Variants in GSE1 observed in about 807,000 individuals in gnomAD.
GSE1 encodes genetic suppressor element 1.
GSE1 carries 32 observed loss-of-function variants against 112.6 expected under a neutral mutation model. That is an observed-to-expected ratio of 0.28 (90% CI 0.21 to 0.38). The LOEUF is 0.38. Among genes scored for constraint, GSE1 ranks in the 10% least tolerant of loss-of-function variants. The pLI is 1.00. For missense variants in GSE1, 2,348 were observed against 1,699.2 expected, an observed-to-expected ratio of 1.38 and a Z score of -6.71; for synonymous variants, 1,115 against 735.6, an observed-to-expected ratio of 1.52 and a Z score of -8.35.
intron 8 of GSE1, among the ~76,000 whole-genome samples, chr16:85,658,549 A>G (rs1264432102): frequency 1.3e-5 from 2 of 152,168 alleles, no homozygotes; most frequent in Non-Finnish European, 2.9e-5. Context: ...TGCCTCCGTT[A>G]TCCAGTAGGG....
chr16:85,497,570 C>G lies in GSE1; in HGVS notation c.2465-136344C>G, dbSNP rs145929613. On this transcript the variant is annotated intron_variant, in intron 2 of 2. Transcript: ENST00000637419. Reference sequence around the variant, plus strand: ...TAATGGGAACCTATTTTTCTCCTAACTGCCATCTCACAGCAAACTGCTGAA... The same window carrying G: ...TAATGGGAACCTATTTTTCTCCTAAGTGCCATCTCACAGCAAACTGCTGAA... Among the ~76,000 whole-genome samples the G allele has an allele frequency of 3.2e-3, 492 of 152,312 alleles. 2 individuals carry two copies. Among genetic ancestry groups the G allele is most frequent in the African/African-American group, 0.011 (452 of 41,562 alleles).
At chr16:85,503,570 G>T (rs528866361) in intron 2 of GSE1, among the ~76,000 whole-genome samples, 1 of 152,084 alleles carries the variant, frequency 6.6e-6, no homozygotes, top group Admixed American at 6.5e-5. Context: ...TCTGATTGCC[G>T]CAGTCCAATT....
At chr16:85,570,153 G>C (rs1446562870) in intron 1 of GSE1, among the ~76,000 whole-genome samples, 1 of 152,182 alleles carries the variant, frequency 6.6e-6, no homozygotes, top group African/African-American at 2.4e-5. Context: ...AGAGTCCTAG[G>C]CACACAGGCT....
chr16:85,330,495 T>G (rs1053674701), intron 1 of GSE1, among the ~76,000 whole-genome samples: 2 of 152,190 alleles, frequency 1.3e-5, no homozygotes, highest in African/African-American at 4.8e-5. Context: ...AGAGCCATTG[T>G]TCGTGGTCGC....
intron 1 of GSE1, among the ~76,000 whole-genome samples, chr16:85,188,228 C>T (rs2074748185): frequency 6.6e-6 from 1 of 151,906 alleles, no homozygotes; most frequent in South Asian, 2.1e-4. Context: ...CACGGGGCTG[C>T]TGGGCACTGG....
At chr16:85,443,894 A>G (rs1157291206) in intron 2 of GSE1, among the ~76,000 whole-genome samples, 1 of 151,722 alleles carries the variant, frequency 6.6e-6, no homozygotes, top group Non-Finnish European at 1.5e-5. Context: ...GGCGACCAGA[A>G]AGCACATCTG....
intron 1 of GSE1, among the ~76,000 whole-genome samples, chr16:85,268,584 G>C (rs941449657): frequency 1.3e-5 from 2 of 152,162 alleles, no homozygotes; most frequent in Non-Finnish European, 2.9e-5. Flanking sequence ...ATTAAACCCT[G>C]TCTGGCCATA....
chr16:85,558,602 C>T (rs536792275), intron 1 of GSE1, among the ~76,000 whole-genome samples: 1 of 151,938 alleles, frequency 6.6e-6, no homozygotes, highest in Non-Finnish European at 1.5e-5. Flanking sequence ...TTTGTCCTGA[C>T]CCCCAGGGAG....
chr16:85,177,874 A>G (rs2074499594), intron 1 of GSE1, among the ~76,000 whole-genome samples: 1 of 152,174 alleles, frequency 6.6e-6, no homozygotes, highest in African/African-American at 2.4e-5. Flanking sequence ...GTGCTGGGCC[A>G]GGGACGAACT....
intron 2 of GSE1, among the ~76,000 whole-genome samples, chr16:85,420,495 G>GA (rs1474948348): frequency 6.6e-6 from 1 of 151,750 alleles, no homozygotes; most frequent in African/African-American, 2.4e-5. Context: ...CGCTGCGGAG[G>GA]ACCCTGGGGC....
chr16:85,377,721 TG>T (rs1295617484), intron 2 of GSE1, among the ~76,000 whole-genome samples: 5 of 151,964 alleles, frequency 3.3e-5, no homozygotes. Context: ...TTCCCGGGAG[TG>T]GCCGGCACCA....
upstream of GSE1, chr16:85,613,183 G>A (rs528558617): frequency 2.3e-5 from 33 of 1,418,190 alleles, no homozygotes; most frequent in African/African-American, 4.7e-4. Flanking sequence ...CGAGCCAGTG[G>A]CCCGGGAGTG....
At chr16:85,660,956 G>C (rs368414686) in intron 8 of GSE1, among the ~76,000 whole-genome samples, 190 bp from the exon 9 acceptor site, 9 of 152,280 alleles carry the variant, frequency 5.9e-5, no homozygotes, top group Admixed American at 2.6e-4. Flanking sequence ...GAAAGGAAAA[G>C]AGAAAATGAA....
intron 1 of GSE1, among the ~76,000 whole-genome samples, chr16:85,320,504 AG>A (rs1466687563): frequency 6.6e-6 from 1 of 151,884 alleles, no homozygotes; most frequent in Non-Finnish European, 1.5e-5. Context: ...TATGTTGCCC[AG>A]GCTAGTCTCA....
At chr16:85,491,976 G>T (rs2051024332) in intron 2 of GSE1, among the ~76,000 whole-genome samples, 6 of 152,158 alleles carry the variant, frequency 3.9e-5, no homozygotes, top group Admixed American at 3.9e-4. Flanking sequence ...CACCCTGTGG[G>T]CTGGGGCATC....
intron 1 of GSE1, among the ~76,000 whole-genome samples, chr16:85,321,768 G>C (rs1327293919): frequency 6.6e-6 from 1 of 151,720 alleles, no homozygotes; most frequent in Admixed American, 6.6e-5. Flanking sequence ...CCTCCAGCCT[G>C]GGTGACAGAG....
intron 2 of GSE1, among the ~76,000 whole-genome samples, chr16:85,646,370 G>T (rs988173105): frequency 9.2e-5 from 14 of 152,246 alleles, no homozygotes; most frequent in Non-Finnish European, 2.9e-5. Flanking sequence ...TGTCCCCGTG[G>T]GCCCAAGTGC....
intron 1 of GSE1, among the ~76,000 whole-genome samples, chr16:85,628,413 C>T (rs2049259048): frequency 6.6e-6 from 1 of 152,168 alleles, no homozygotes; most frequent in African/African-American, 2.4e-5. Flanking sequence ...GCCCGGGGAG[C>T]AGATATTGGG....
At chr16:85,370,352 A>AG (rs766057337) in intron 2 of GSE1, among the ~76,000 whole-genome samples, 9 of 152,056 alleles carry the variant, frequency 5.9e-5, no homozygotes, top group Non-Finnish European at 1.0e-4. Flanking sequence ...CTGCCCCTCA[A>AG]GCAGCTAAGC....
Sources: gnomAD v4.1 joint callset for allele counts (sites outside exome capture counted in the v4.1 genomes callset) on GRCh38, gnomAD v4.1.1 for gene constraint, MANE v1.5 for transcripts, NCBI Gene and HGNC (gene_info 2026-07-23, HGNC 2026-07-21) for gene names.